Variants in CADM2 observed in about 807,000 individuals in gnomAD.
The protein encoded by CADM2 is immunoglobulin superfamily member 4D.
A neutral mutation model predicts 49.8 loss-of-function variants in CADM2; 12 were observed. That is an observed-to-expected ratio of 0.24 (90% CI 0.15 to 0.39). The LOEUF (loss-of-function observed/expected upper bound fraction) is 0.39. CADM2 is among the 10% of genes least tolerant of loss of function. The pLI is 1.00. For missense variants in CADM2, 378 were observed against 492.3 expected, an observed-to-expected ratio of 0.77 and a Z score of 2.20; for synonymous variants, 214 against 175.4, an observed-to-expected ratio of 1.22 and a Z score of -1.74.
At chr3:86,000,750 G>A (rs2108739904) in intron 8 of CADM2, among the ~76,000 whole-genome samples, 1 of 152,108 alleles carries the variant, frequency 6.6e-6, no homozygotes, top group Middle Eastern at 3.4e-3. Context: ...AATGCCGATT[G>A]TCACAAAAAT....
At chr3:85,930,812 A>T (rs373997628) in intron 6 of CADM2, among the ~76,000 whole-genome samples, 2 of 151,646 alleles carry the variant, frequency 1.3e-5, no homozygotes, top group African/African-American at 4.8e-5. Context: ...GTTGAATAGT[A>T]CTCCACATTA....
At chr3:86,033,239 A>T (rs776358874) in intron 8 of CADM2, among the ~76,000 whole-genome samples, 2 of 151,984 alleles carry the variant, frequency 1.3e-5, no homozygotes, top group African/African-American at 4.8e-5. Context: ...TCTAAATTTC[A>T]TGGTCTTTAT....
chr3:85,954,366 A>G (rs1013060310), intron 7 of CADM2, among the ~76,000 whole-genome samples: 1 of 151,110 alleles, frequency 6.6e-6, no homozygotes, highest in Non-Finnish European at 1.5e-5. Flanking sequence ...TGATCACTGC[A>G]ATAAATAGAC....
chr3:85,704,553 A>G (rs1407315160), intron 1 of CADM2, among the ~76,000 whole-genome samples: 1 of 152,128 alleles, frequency 6.6e-6, no homozygotes, highest in Non-Finnish European at 1.5e-5. Context: ...CAAGCTCTCT[A>G]CTGTCTTTTT....
intron 1 of CADM2, among the ~76,000 whole-genome samples, chr3:85,334,305 A>G (rs964991291): frequency 6.6e-6 from 1 of 151,610 alleles, no homozygotes; most frequent in Non-Finnish European, 1.5e-5. Flanking sequence ...GCCTCACATC[A>G]TTAGTGCTAA....
intron 1 of CADM2, among the ~76,000 whole-genome samples, chr3:85,130,105 A>C (rs2039173918): frequency 6.6e-6 from 1 of 152,168 alleles, no homozygotes; most frequent in South Asian, 2.1e-4. Flanking sequence ...CTTTAAGATT[A>C]TGCACATTAA....
In CADM2 at chr3:85,620,329, A is replaced by G. The variant is rs183754478; in HGVS notation, c.62-106193A>G. 5.3e-5 allele frequency among the ~76,000 whole-genome samples: 8 copies of G among 152,212 alleles called. No individual in the cohort carries two copies. In the East Asian group the frequency reaches 1.5e-3, roughly 29 times the overall value. The stretch of plus-strand genomic sequence containing the variant: ...GCATTATAAAATTTAGTATAAAATA[A>G]TAGTATTTTATATAAAATTCTTAGA... On this transcript the variant is annotated intron_variant, in intron 1 of 9. Transcript: ENST00000383699.
chr3:85,386,891 A>G (rs1308674808), intron 1 of CADM2, among the ~76,000 whole-genome samples: 1 of 152,178 alleles, frequency 6.6e-6, no homozygotes, highest in Non-Finnish European at 1.5e-5. Flanking sequence ...GGCATTTCTC[A>G]TATGTGGAAT....
intron 7 of CADM2, among the ~76,000 whole-genome samples, chr3:85,944,121 C>T (rs1290407424): frequency 1.3e-5 from 2 of 152,110 alleles, no homozygotes; most frequent in Middle Eastern, 3.4e-3. Context: ...GGGTTGCAAT[C>T]TTAGTCTCTG....
chr3:85,032,494 T>G (rs551518589), intron 1 of CADM2, among the ~76,000 whole-genome samples: 1 of 152,088 alleles, frequency 6.6e-6, no homozygotes, highest in Non-Finnish European at 1.5e-5. Flanking sequence ...AAGAAAAAAA[T>G]GTAAAAGAAA....
chr3:84,990,072 G>A (rs932584126), intron 1 of CADM2, among the ~76,000 whole-genome samples: 3 of 151,542 alleles, frequency 2.0e-5, no homozygotes, highest in African/African-American at 7.3e-5. Flanking sequence ...TACTAAAGAG[G>A]CATTTAATAT....
rs374763892 is a variant in CADM2 at position 85,855,617 on chromosome 3, A to ATATATATATATATATATATAT, written c.239-27674_239-27673insTATATATATATATATATATAT. On this transcript the variant is annotated intron_variant, in intron 3 of 9. Coordinates refer to ENST00000383699, the MANE Select transcript of CADM2 (RefSeq NM_001167675.2). ...ATATATAAAACATATATATATATAT[A>ATATATATATATATATATATAT]AAACATATATATATATATATATATT... Among the ~76,000 whole-genome samples, 17 of 42,510 alleles carry ATATATATATATATATATATAT rather than the reference A, an allele frequency of 4.0e-4. 1 individual carries two copies. The highest frequency in any genetic ancestry group is 1.5e-3 in the South Asian group (2 of 1,324). 27.9% of individuals were successfully genotyped at this position (42,510 alleles called of 152,430 possible).
At chr3:85,409,083 T>A (rs2035538197) in intron 1 of CADM2, among the ~76,000 whole-genome samples, 1 of 152,188 alleles carries the variant, frequency 6.6e-6, no homozygotes, top group Admixed American at 6.5e-5. Context: ...GCCAGAGTCA[T>A]GCCAAATGAA....
chr3:85,468,023 G>A (rs1429031321), intron 1 of CADM2, among the ~76,000 whole-genome samples: 4 of 151,422 alleles, frequency 2.6e-5, no homozygotes, highest in Middle Eastern at 3.4e-3. Flanking sequence ...GCGCAGTGGC[G>A]GGCGCCTGTA....
At chr3:85,622,789 A>G (rs943026533) in intron 1 of CADM2, among the ~76,000 whole-genome samples, 11 of 152,286 alleles carry the variant, frequency 7.2e-5, no homozygotes, top group Admixed American at 4.6e-4. Flanking sequence ...TTGGTTAGCT[A>G]TTTCACCAGT....
chr3:85,296,211 G>C (rs996585496), intron 1 of CADM2, among the ~76,000 whole-genome samples: 1 of 151,998 alleles, frequency 6.6e-6, no homozygotes, highest in African/African-American at 2.4e-5. Flanking sequence ...TGATGACTTT[G>C]AGAAAGTAAA....
intron 1 of CADM2, among the ~76,000 whole-genome samples, chr3:85,225,900 C>T (rs1018345582): frequency 3.3e-5 from 5 of 152,056 alleles, no homozygotes; most frequent in East Asian, 3.9e-4. Flanking sequence ...TGATGGATTA[C>T]GTTTATTGAT....
At chr3:85,399,136 G>C (rs777052537) in intron 1 of CADM2, among the ~76,000 whole-genome samples, 4 of 152,106 alleles carry the variant, frequency 2.6e-5, no homozygotes, top group Non-Finnish European at 5.9e-5. Context: ...ATGGTTTTAG[G>C]TCTAACATTT....
intron 8 of CADM2, among the ~76,000 whole-genome samples, chr3:85,963,827 GAA>G (rs1725144553): frequency 4.0e-5 from 6 of 151,796 alleles, no homozygotes; most frequent in Admixed American, 3.3e-4. Context: ...CACTTTGTGA[GAA>G]GTCATTTTTG....
Sources: allele counts gnomAD v4.1 joint callset (sites outside exome capture counted in the v4.1 genomes callset), GRCh38; gene constraint gnomAD v4.1.1; transcripts MANE v1.5; gene names NCBI Gene and HGNC (gene_info 2026-07-23, HGNC 2026-07-21).